TENM4: variants seen among roughly 807,000 people sequenced by gnomAD.
TENM4 encodes the protein teneurin-4.
In TENM4, 82 loss-of-function variants were observed where a neutral mutation model predicts 243.3. That is an observed-to-expected ratio of 0.34 (90% CI 0.28 to 0.40). TENM4 has a LOEUF of 0.40. TENM4 is among the 10% of genes least tolerant of loss of function. The pLI is 1.00. For synonymous variants in TENM4, 1,412 were observed against 1,456.3 expected (o/e 0.97, Z 0.69); for missense variants, 3,138 against 3,673.3 (o/e 0.85, Z 3.77).
At chr11:78,777,829 G>A (rs1339150763) in intron 17 of TENM4, among the ~76,000 whole-genome samples, 1 of 152,150 alleles carries the variant, frequency 6.6e-6, no homozygotes, top group Non-Finnish European at 1.5e-5. Context: ...TCTCCTCAAG[G>A]AGCTTAGAGT....
intron 1 of TENM4, among the ~76,000 whole-genome samples, chr11:79,426,209 G>A (rs1251546348): frequency 6.6e-6 from 1 of 152,176 alleles, no homozygotes; most frequent in Non-Finnish European, 1.5e-5. Flanking sequence ...AAGTTCAGAT[G>A]ACATCAAAAG....
intron 4 of TENM4, among the ~76,000 whole-genome samples, chr11:79,147,397 G>T (rs1051345561): frequency 1.3e-5 from 2 of 151,962 alleles, no homozygotes; most frequent in South Asian, 2.1e-4. Flanking sequence ...GCAGCTTCTC[G>T]GACCCACTCT....
chr11:78,797,604 C>T (rs567174767), intron 15 of TENM4, among the ~76,000 whole-genome samples: 2 of 152,338 alleles, frequency 1.3e-5, no homozygotes, highest in South Asian at 4.1e-4. Context: ...TAGCAGCATG[C>T]TTGTCTGGGC....
chr11:79,316,805 C>T (rs573735486), intron 1 of TENM4, among the ~76,000 whole-genome samples: 2 of 152,232 alleles, frequency 1.3e-5, no homozygotes, highest in African/African-American at 4.8e-5. Context: ...TTTCTCACTG[C>T]CCACCACCAA....
At chr11:79,423,448 A>C (rs1316818577) in intron 1 of TENM4, among the ~76,000 whole-genome samples, 1 of 151,498 alleles carries the variant, frequency 6.6e-6, no homozygotes, top group Non-Finnish European at 1.5e-5. Flanking sequence ...AGAGCAGAGC[A>C]TGTGGTTTGA....
chr11:79,396,655 C>A (rs571250720), intron 1 of TENM4, among the ~76,000 whole-genome samples: 2 of 152,292 alleles, frequency 1.3e-5, no homozygotes, highest in African/African-American at 4.8e-5. Context: ...GGCATAATAG[C>A]GCTCCAGCGG....
intron 1 of TENM4, among the ~76,000 whole-genome samples, chr11:79,302,655 C>T (rs930510384): frequency 6.6e-6 from 1 of 152,182 alleles, no homozygotes. Context: ...CAGAGAGGCT[C>T]AGTACTTCTC....
rs1590969467 is a variant in TENM4, at chr11:79,440,814, C to G, written c.-626G>C. 6.5e-6 allele frequency: 1 copy of G among 153,106 alleles called. No individual in the cohort carries two copies. Among genetic ancestry groups the G allele is most frequent in the Non-Finnish European group, 1.4e-5 (1 of 69,184 alleles). 9.5% of individuals were successfully genotyped at this position (153,106 alleles called of 1,614,324 possible). On this transcript the variant is annotated 5_prime_UTR_variant, in exon 1 of 34. Transcript: ENST00000278550. This position sits in a 1 kb window ranked among gnomAD's most constrained non-coding sequence, Gnocchi z 4.7. ...GCCCCACATGAAACAGCTGCAATCCCGAGGCTTCTGGGGGGTTGGGGCGGG... is the reference window on the plus strand; with the variant it reads ...GCCCCACATGAAACAGCTGCAATCCGGAGGCTTCTGGGGGGTTGGGGCGGG...
At chr11:78,977,802 CTCA>C (rs1857698261) in intron 6 of TENM4, among the ~76,000 whole-genome samples, 1 of 152,200 alleles carries the variant, frequency 6.6e-6, no homozygotes, top group Admixed American at 6.5e-5. Context: ...ATGGTGATTC[CTCA>C]AGGATCTAGA....
chr11:78,862,015 A>T (rs1271045775), intron 10 of TENM4, among the ~76,000 whole-genome samples: 2 of 152,202 alleles, frequency 1.3e-5, no homozygotes, highest in African/African-American at 4.8e-5. Flanking sequence ...CATGTTAGAA[A>T]TATTTCTAAG....
chr11:79,156,660 C>G (rs1236034686), intron 3 of TENM4, among the ~76,000 whole-genome samples: 1 of 152,172 alleles, frequency 6.6e-6, no homozygotes, highest in Non-Finnish European at 1.5e-5. Flanking sequence ...TCTTTCTCCC[C>G]TGCTGGTGCA....
chr11:79,350,962 A>T (rs2135477497), intron 1 of TENM4, among the ~76,000 whole-genome samples: 1 of 149,504 alleles, frequency 6.7e-6, no homozygotes, highest in African/African-American at 2.5e-5. Context: ...CCCCTCCCCT[A>T]CCTCCCTCAG....
chr11:78,713,179 A>G (rs536566267), intron 25 of TENM4, among the ~76,000 whole-genome samples: 10 of 152,302 alleles, frequency 6.6e-5, no homozygotes, highest in South Asian at 2.1e-4. Context: ...GCAGTCCCTC[A>G]TCTCCATCTT....
chr11:79,409,095 TGTGTGTGCGCGCGCGCGC>T lies in TENM4; in HGVS notation c.-321+31396_-321+31413del, dbSNP rs1383644672. ...GTGTGTGTGTGTGTGTGTGTGTGTG[TGTGTGTGCGCGCGCGCGC>T]GTGCGTGCACGCGCACGCACATGCG... On this transcript the variant is annotated intron_variant, in intron 1 of 33. Coordinates refer to ENST00000278550, the MANE Select transcript of TENM4 (RefSeq NM_001098816.3). Among the ~76,000 whole-genome samples, 734 of 107,014 alleles carry T rather than the reference TGTGTGTGCGCGCGCGCGC, an allele frequency of 6.9e-3. 4 individuals are homozygous for T. The highest frequency in any genetic ancestry group is 0.018 in the African/African-American group (484 of 26,920). The allele number at this position is 107,014 out of a possible 152,430, so 70.2% of individuals were successfully genotyped here.
intron 15 of TENM4, among the ~76,000 whole-genome samples, chr11:78,804,509 T>C (rs1056650383): frequency 4.6e-5 from 7 of 152,158 alleles, no homozygotes; most frequent in Non-Finnish European, 1.0e-4. Flanking sequence ...TATATACCTA[T>C]ACTGTGCTAG....
At chr11:78,863,517 A>T (rs2136224786) in intron 9 of TENM4, among the ~76,000 whole-genome samples, 1 of 152,370 alleles carries the variant, frequency 6.6e-6, no homozygotes, top group East Asian at 1.9e-4. Flanking sequence ...ACAACTCAGT[A>T]GGAAAATAGG....
At chr11:78,867,044 A>T (rs147833002) in intron 9 of TENM4, among the ~76,000 whole-genome samples, 1 of 152,230 alleles carries the variant, frequency 6.6e-6, no homozygotes, top group Non-Finnish European at 1.5e-5. Flanking sequence ...CATGATACTC[A>T]TGTGATGGAA....
intron 11 of TENM4, among the ~76,000 whole-genome samples, chr11:78,854,624 C>T (rs181518866): frequency 9.6e-4 from 146 of 152,244 alleles, no homozygotes; most frequent in Non-Finnish European, 1.8e-3. Flanking sequence ...ACCAGGACAA[C>T]CATGCTTTTT....
intron 1 of TENM4, among the ~76,000 whole-genome samples, chr11:79,409,807 G>C (rs1021907526): frequency 6.6e-6 from 1 of 152,184 alleles, no homozygotes; most frequent in Non-Finnish European, 1.5e-5. Context: ...ACATCTGTAG[G>C]TGGATACATA....
Sources: gnomAD v4.1 joint callset for allele counts (sites outside exome capture counted in the v4.1 genomes callset) on GRCh38, gnomAD v4.1.1 for gene constraint, Gnocchi (gnomAD v3.1) non-coding constraint, MANE v1.5 for transcripts, NCBI Gene and HGNC (gene_info 2026-07-23, HGNC 2026-07-21) for gene names.